SPIRE1: variants seen among roughly 807,000 people sequenced by gnomAD.
SPIRE1 encodes the protein protein spire homolog 1.
In SPIRE1, 40 loss-of-function variants were observed where a neutral mutation model predicts 94.1. The ratio of observed to expected loss-of-function variants is 0.43; its 90% CI spans 0.33 to 0.55. The LOEUF (loss-of-function observed/expected upper bound fraction) is 0.55, where lower values mean the gene tolerates loss of function less well. Ranked by LOEUF, SPIRE1 falls within the 20% of genes least tolerant of loss-of-function variation. SPIRE1 has a pLI of 0.06. For synonymous variants in SPIRE1, 376 were observed against 371.7 expected (o/e 1.01, Z -0.13); for missense variants, 838 against 975.2 (o/e 0.86, Z 1.87).
rs146712992 is a variant in SPIRE1 at position 12,558,759 on chromosome 18, G to A, written c.373-11855C>T. Among the ~76,000 whole-genome samples, 1,265 of 151,636 alleles carry A rather than the reference G, an allele frequency of 8.3e-3. 7 individuals are homozygous for A. Among genetic ancestry groups the A allele is most frequent in the Non-Finnish European group, 0.014 (960 of 67,906 alleles). On this transcript the variant is annotated intron_variant, in intron 2 of 16. Transcript: ENST00000409402. Reference sequence around the variant, plus strand: ...TGCTGACTGGTGCATCCACAAACCCGGAGCTAGACACAGAGGGCTGATTGG... The same window carrying A: ...TGCTGACTGGTGCATCCACAAACCCAGAGCTAGACACAGAGGGCTGATTGG...
At chr18:12,476,564 A>AAAAATATAT in intron 10 of SPIRE1, among the ~76,000 whole-genome samples, 1 of 69,840 alleles carries the variant, frequency 1.4e-5, no homozygotes, top group African/African-American at 7.6e-5. Flanking sequence ...AAAAAAAAAA[A>AAAAATATAT]ATATATATAT....
intron 7 of SPIRE1, among the ~76,000 whole-genome samples, 196 bp downstream of exon 7, chr18:12,495,820 G>A (rs1278391696): frequency 6.6e-6 from 1 of 151,890 alleles, no homozygotes; most frequent in Non-Finnish European, 1.5e-5. Context: ...GAGTCCCAGG[G>A]GTCACTCCAG....
At chr18:12,551,590 A>AG (rs2035350710) in intron 2 of SPIRE1, among the ~76,000 whole-genome samples, 1 of 152,036 alleles carries the variant, frequency 6.6e-6, no homozygotes, top group African/African-American at 2.4e-5. Context: ...CTGTAGTCCC[A>AG]GCTACTCAGG....
At chr18:12,479,649 CAT>C in intron 10 of SPIRE1, 48 bp downstream of exon 10, 4 of 1,524,034 alleles carry the variant, frequency 2.6e-6, no homozygotes, top group Non-Finnish European at 3.5e-6. Context: ...CATCAGACAG[CAT>C]TAAGCACCCT....
intron 9 of SPIRE1, among the ~76,000 whole-genome samples, chr18:12,480,736 C>T (rs2032808806): frequency 6.6e-6 from 1 of 152,114 alleles, no homozygotes; most frequent in Non-Finnish European, 1.5e-5. Flanking sequence ...ACTCTGATGG[C>T]CTGCTTTTTG....
At chr18:12,620,487 G>A (rs2037435012) in intron 2 of SPIRE1, among the ~76,000 whole-genome samples, 1 of 152,198 alleles carries the variant, frequency 6.6e-6, no homozygotes, top group East Asian at 1.9e-4. Context: ...GGAACTGACA[G>A]TGCAGAAATA....
chr18:12,516,985 C>T (rs1385535591), intron 4 of SPIRE1, among the ~76,000 whole-genome samples: 2 of 152,196 alleles, frequency 1.3e-5, no homozygotes, highest in East Asian at 3.8e-4. Flanking sequence ...TTTCACATTT[C>T]TTTGTTTTTC....
chr18:12,517,536 T>A (rs1294183529), intron 4 of SPIRE1, among the ~76,000 whole-genome samples: 1 of 152,242 alleles, frequency 6.6e-6, no homozygotes, highest in African/African-American at 2.4e-5. Flanking sequence ...TGAATGATTT[T>A]TCTTTTTTTT....
At chr18:12,557,406 C>T (rs1427750094) in intron 2 of SPIRE1, among the ~76,000 whole-genome samples, 1 of 152,242 alleles carries the variant, frequency 6.6e-6, no homozygotes, top group Admixed American at 6.5e-5. Flanking sequence ...AAGCCCCTCA[C>T]TGCCCAGGGC....
At chr18:12,649,972 G>T (rs1326570391) in intron 1 of SPIRE1, among the ~76,000 whole-genome samples, 2 of 152,194 alleles carry the variant, frequency 1.3e-5, no homozygotes, top group Non-Finnish European at 2.9e-5. Flanking sequence ...AGGCTTGGTG[G>T]CTCACGCCTG....
chr18:12,642,792 C>A (rs147641226), intron 1 of SPIRE1, among the ~76,000 whole-genome samples: 9 of 152,214 alleles, frequency 5.9e-5, no homozygotes, highest in East Asian at 1.9e-4. Flanking sequence ...GGAGGAAGAG[C>A]ATTAGGACAA....
chr18:12,533,871 T>A (rs1598443048), intron 4 of SPIRE1, among the ~76,000 whole-genome samples: 1 of 151,748 alleles, frequency 6.6e-6, no homozygotes, highest in African/African-American at 2.4e-5. Context: ...GATGTTCACT[T>A]TGAAGCTTTT....
chr18:12,570,121 C>G (rs1402812305), intron 2 of SPIRE1, among the ~76,000 whole-genome samples: 2 of 152,202 alleles, frequency 1.3e-5, no homozygotes, highest in Non-Finnish European at 2.9e-5. Context: ...CCACGTTATT[C>G]CCCTTCATCC....
chr18:12,476,973 T>C (rs1174952273), intron 10 of SPIRE1, among the ~76,000 whole-genome samples: 1 of 152,164 alleles, frequency 6.6e-6, no homozygotes, highest in African/African-American at 2.4e-5. Flanking sequence ...ACATTTCTCT[T>C]TTCGGCAATT....
chr18:12,621,789 C>T (rs953324194), intron 2 of SPIRE1, among the ~76,000 whole-genome samples: 2 of 152,106 alleles, frequency 1.3e-5, no homozygotes, highest in South Asian at 2.1e-4. Context: ...CTCTGAATAT[C>T]TCAAAAACCG....
chr18:12,549,164 A>G (rs2035262507), intron 2 of SPIRE1, among the ~76,000 whole-genome samples: 1 of 152,104 alleles, frequency 6.6e-6, no homozygotes, highest in Admixed American at 6.6e-5. Flanking sequence ...AGAGCCTAAC[A>G]CTGTGGTGTG....
At chr18:12,463,709 G>A (rs1247218919) in intron 11 of SPIRE1, among the ~76,000 whole-genome samples, 1 of 151,964 alleles carries the variant, frequency 6.6e-6, no homozygotes, top group African/African-American at 2.4e-5. Context: ...CAAGAAAAAA[G>A]GAAAAATGTT....
chr18:12,465,611 A>G (rs537242918), intron 10 of SPIRE1, among the ~76,000 whole-genome samples: 30 of 152,348 alleles, frequency 2.0e-4, no homozygotes, highest in Admixed American at 1.0e-3. Context: ...TATTAGGGAA[A>G]TATTTAATAC....
At chr18:12,490,656 T>C (rs1402705332) in intron 8 of SPIRE1, among the ~76,000 whole-genome samples, 2 of 152,138 alleles carry the variant, frequency 1.3e-5, no homozygotes, top group Admixed American at 1.3e-4. Flanking sequence ...ATTAACATGA[T>C]ACACCACCGT....
Sources: gnomAD v4.1 joint callset for allele counts (sites outside exome capture counted in the v4.1 genomes callset) on GRCh38, gnomAD v4.1.1 for gene constraint, MANE v1.5 for transcripts, NCBI Gene and HGNC (gene_info 2026-07-23, HGNC 2026-07-21) for gene names.